The following ZNF469 variants were observed in gnomAD, a reference collection of about 807,000 sequenced individuals.
The protein encoded by ZNF469 is zinc finger protein 469.
ZNF469 carries 1 observed loss-of-function variant against 1.0 expected under a neutral mutation model. The ratio of observed to expected loss-of-function variants is 1.00; its 90% CI spans 0.35 to 4.73. The LOEUF (loss-of-function observed/expected upper bound fraction) is 4.73, where lower values mean the gene tolerates loss of function less well. Ranked by LOEUF, ZNF469 falls within the 30% of genes most tolerant of loss-of-function variation. The probability of loss-of-function intolerance (pLI) is 0.16; values close to 1 mark genes in which losing one functional copy is unlikely to be tolerated. For missense variants in ZNF469, 6,100 were observed against 5,356.3 expected (o/e 1.14, Z -4.33); for synonymous variants, 2,703 against 2,363.4 (o/e 1.14, Z -4.17).
At chr16:88,369,230 C>A in the ZNF469 span, among the ~76,000 whole-genome samples, 1 of 152,214 alleles carries the variant, frequency 6.6e-6, no homozygotes, top group Admixed American at 6.5e-5. Flanking sequence ...CCCCACCCCA[C>A]GCTGGGGAAT....
At position 88,428,412 on chromosome 16, in the gene ZNF469, G is replaced by C; in HGVS notation, c.942G>C (p.Pro314=). The C allele has an allele frequency of 6.5e-7, 1 of 1,548,212 alleles. No homozygotes were observed. Among genetic ancestry groups the C allele is most frequent in the Non-Finnish European group, 8.7e-7 (1 of 1,146,836 alleles). Residue 314 remains proline (P), a synonymous_variant, in exon 3 of 3, where the codon CCG becomes CCC. Coordinates refer to ENST00000565624, the MANE Select transcript of ZNF469 (RefSeq NM_001367624.2). ...FAFHQPQGAW[P]EEAVGTGPAY... is the part of the protein sequence containing the mutation. ...TCCATCAGCCCCAGGGAGCGTGGCCGGAGGAGGCCGTGGGCACGGGCCCTG... is the reference window on the plus strand; with the variant it reads ...TCCATCAGCCCCAGGGAGCGTGGCCCGAGGAGGCCGTGGGCACGGGCCCTG...
At chr16:88,243,738 G>A in the ZNF469 span, among the ~76,000 whole-genome samples, 1 of 148,628 alleles carries the variant, frequency 6.7e-6, no homozygotes, top group South Asian at 2.1e-4. Context: ...TGGATAGATG[G>A]GTGGATGGAA....
the ZNF469 span, among the ~76,000 whole-genome samples, chr16:88,266,962 C>T: frequency 1.3e-5 from 2 of 152,238 alleles, no homozygotes; most frequent in Admixed American, 6.5e-5. Flanking sequence ...TCTGCAAACT[C>T]ATCCCAGCCA....
At chr16:88,333,768 TA>T in the ZNF469 span, among the ~76,000 whole-genome samples, 22,243 of 132,200 alleles carry the variant, frequency 0.17, 2,094 homozygotes, top group East Asian at 0.33. Context: ...CCGAGGAGAA[TA>T]AAAACACACC....
rs1384502694 is a variant in ZNF469 at position 88,433,724 on chromosome 16, A to G, written c.6254A>G (p.Glu2085Gly). 9.7e-6 allele frequency: 15 copies of G among 1,548,772 alleles called. No individual in the cohort carries two copies. Among genetic ancestry groups the G allele is most frequent in the Non-Finnish European group, 1.3e-5 (15 of 1,146,734 alleles). ...AGTGGATCTGAGGGCCGGACTCCAG[A>G]GAGGGCGTCCAGCCCCGGCCTGAAC... Reference protein sequence around the residue: ...SRSGSEGRTPERASSPGLNKP... With the variant: ...SRSGSEGRTPGRASSPGLNKP... Residue 2085 changes from glutamate to glycine, a missense_variant, in exon 3 of 3, where the codon GAG (glutamate) becomes GGG (glycine). Coordinates refer to ENST00000565624, the MANE Select transcript of ZNF469 (RefSeq NM_001367624.2).
chr16:88,207,850 C>T, the ZNF469 span, among the ~76,000 whole-genome samples: 1 of 151,800 alleles, frequency 6.6e-6, no homozygotes, highest in Non-Finnish European at 1.5e-5. Context: ...GCCACATCAC[C>T]TCCACATCTC....
chr16:88,289,407 G>T, the ZNF469 span, among the ~76,000 whole-genome samples: 1 of 149,114 alleles, frequency 6.7e-6, no homozygotes, highest in Non-Finnish European at 1.5e-5. Context: ...TGATGGTGAT[G>T]ATGATGATGA....
the ZNF469 span, among the ~76,000 whole-genome samples, chr16:88,292,351 G>T: frequency 6.6e-6 from 1 of 152,146 alleles, no homozygotes; most frequent in South Asian, 2.1e-4. Flanking sequence ...CCGGGACATT[G>T]GGTAGCAGGG....
the ZNF469 span, among the ~76,000 whole-genome samples, chr16:88,251,506 T>G: frequency 1.1e-4 from 16 of 148,244 alleles, no homozygotes; most frequent in Non-Finnish European, 3.0e-5. Context: ...AACATTGCCA[T>G]CTCTGTGGTA....
chr16:88,104,248 TAAAA>T, the ZNF469 span, among the ~76,000 whole-genome samples: 6 of 130,476 alleles, frequency 4.6e-5, no homozygotes, highest in East Asian at 2.2e-4. Context: ...GACGGTATCT[TAAAA>T]AAAAAAAAAA....
the ZNF469 span, among the ~76,000 whole-genome samples, chr16:88,269,287 C>T: frequency 2.0e-5 from 3 of 152,032 alleles, no homozygotes; most frequent in Admixed American, 6.5e-5. Flanking sequence ...TGCACCCAGG[C>T]GGCTTGGCCT....
chr16:88,244,613 A>G, the ZNF469 span, among the ~76,000 whole-genome samples: 3 of 151,484 alleles, frequency 2.0e-5, no homozygotes, highest in African/African-American at 7.3e-5. Flanking sequence ...GTCTAGGCAG[A>G]TGGATGTATA....
chr16:88,388,455 C>T (rs1366117150), intron 1 of ZNF469, among the ~76,000 whole-genome samples: 5 of 136,480 alleles, frequency 3.7e-5, no homozygotes, highest in African/African-American at 1.3e-4. Flanking sequence ...CGTCCCTGAG[C>T]GGGGTTTTCC....
the ZNF469 span, among the ~76,000 whole-genome samples, chr16:88,289,427 C>T: frequency 7.3e-6 from 1 of 136,502 alleles, no homozygotes; most frequent in African/African-American, 3.0e-5. Flanking sequence ...ATTATTATGA[C>T]AAGGGTGATG....
the ZNF469 span, among the ~76,000 whole-genome samples, chr16:88,256,982 C>G: frequency 1.5e-5 from 2 of 133,352 alleles, no homozygotes; most frequent in Non-Finnish European, 3.1e-5. Flanking sequence ...GAGTTTCACT[C>G]TTGTTGCCCA....
the ZNF469 span, among the ~76,000 whole-genome samples, chr16:88,305,861 A>T: frequency 4.9e-4 from 75 of 152,238 alleles, 1 homozygote; most frequent in East Asian, 0.012. Flanking sequence ...ACACTCACGC[A>T]TCCATGTTCA....
At chr16:88,137,653 C>G in the ZNF469 span, among the ~76,000 whole-genome samples, 40 of 152,168 alleles carry the variant, frequency 2.6e-4, no homozygotes, top group Admixed American at 8.5e-4. Flanking sequence ...GTATGCATAC[C>G]ACCATGTGTG....
At chr16:88,322,296 C>G in the ZNF469 span, among the ~76,000 whole-genome samples, 2 of 152,264 alleles carry the variant, frequency 1.3e-5, no homozygotes, top group Admixed American at 1.3e-4. Context: ...CCTGAGGCCC[C>G]ACGGCCGCTC....
chr16:88,138,285 C>T, the ZNF469 span, among the ~76,000 whole-genome samples: 2 of 152,160 alleles, frequency 1.3e-5, no homozygotes, highest in East Asian at 3.9e-4. Context: ...CCGTTTAAAC[C>T]ATGTCCTAGT....
Sources: allele counts gnomAD v4.1 joint callset (sites outside exome capture counted in the v4.1 genomes callset), GRCh38; gene constraint gnomAD v4.1.1; transcripts MANE v1.5; gene names NCBI Gene and HGNC (gene_info 2026-07-23, HGNC 2026-07-21).